The following ITGB3BP variants were observed in gnomAD, a reference collection of about 807,000 sequenced individuals.
The protein encoded by ITGB3BP is centromere protein R.
ITGB3BP carries 27 observed loss-of-function variants against 29.1 expected under a neutral mutation model. The ratio of observed to expected loss-of-function variants is 0.93; its 90% CI spans 0.68 to 1.28. The LOEUF is 1.28. ITGB3BP is among the 50% of genes most tolerant of loss of function. ITGB3BP has a pLI of 0.00. For missense variants in ITGB3BP, 192 were observed against 200.2 expected (o/e 0.96, Z 0.25); for synonymous variants, 61 against 61.4 (o/e 0.99, Z 0.03).
intron 2 of ITGB3BP, among the ~76,000 whole-genome samples, chr1:63,497,091 G>T (rs979482910): frequency 6.6e-6 from 1 of 152,134 alleles, no homozygotes; most frequent in Non-Finnish European, 1.5e-5. Flanking sequence ...TAAATGAAAT[G>T]CCTGTACCCA....
chr1:63,511,115 G>T (rs1365564294), intron 1 of ITGB3BP, among the ~76,000 whole-genome samples: 2 of 152,014 alleles, frequency 1.3e-5, no homozygotes, highest in Non-Finnish European at 2.9e-5. Context: ...TTGGACAAAG[G>T]ACTTGAATAT....
intron 2 of ITGB3BP, among the ~76,000 whole-genome samples, chr1:63,504,444 A>G (rs1429045082): frequency 6.6e-6 from 1 of 151,952 alleles, no homozygotes. Flanking sequence ...ATATACAATC[A>G]TGTCATCTGC....
intron 3 of ITGB3BP, among the ~76,000 whole-genome samples, chr1:63,479,442 A>AT (rs1413998942): frequency 2.0e-5 from 3 of 152,224 alleles, no homozygotes; most frequent in East Asian, 1.9e-4. Context: ...CATGCTTATC[A>AT]TTTTTTATGG....
At chr1:63,517,004 C>T (rs910044838) in intron 1 of ITGB3BP, among the ~76,000 whole-genome samples, 5 of 151,316 alleles carry the variant, frequency 3.3e-5, no homozygotes, top group African/African-American at 1.2e-4. Context: ...AAAATAAAAA[C>T]AAATAAGTTA....
chr1:63,454,743 G>T lies in ITGB3BP; in HGVS notation c.333+147C>A. 3 of 469,008 alleles carry T rather than the reference G, an allele frequency of 6.4e-6. No individual in the cohort carries two copies. The highest frequency in any genetic ancestry group is 1.1e-5 in the Non-Finnish European group (3 of 262,550). The allele number at this position is 469,008 out of a possible 1,614,324, so 29.1% of individuals were successfully genotyped here. The stretch of plus-strand genomic sequence containing the variant: ...ATTACTAAAATATTATGGTTAAATA[G>T]TGTTCTCCTATTAAAAAAAAAATTC... On this transcript the variant is annotated intron_variant, in intron 5 of 8. Coordinates refer to ENST00000271002, the MANE Select transcript of ITGB3BP (RefSeq NM_014288.5). The surrounding 1 kb of genome is among the most constrained non-coding windows in gnomAD (Gnocchi z 4.1).
chr1:63,519,382 G>C (rs183777366), intron 1 of ITGB3BP, among the ~76,000 whole-genome samples: 29 of 152,148 alleles, frequency 1.9e-4, no homozygotes, highest in African/African-American at 6.3e-4. Context: ...ACTTAAAGTA[G>C]TTTCTACTGA....
chr1:63,509,543 T>C (rs1053192454), intron 1 of ITGB3BP, among the ~76,000 whole-genome samples: 4 of 152,140 alleles, frequency 2.6e-5, no homozygotes, highest in East Asian at 1.9e-4. Context: ...TAAGTAACTA[T>C]TGATTTACAA....
Position 63,454,458 on chromosome 1 carries a change from T to TA in ITGB3BP, c.348dup (p.Arg117Ter). 1 of 1,591,452 alleles carries TA rather than the reference T, an allele frequency of 6.3e-7. No individual in the cohort carries two copies. The highest frequency in any genetic ancestry group is 8.6e-7 in the Non-Finnish European group (1 of 1,163,632). ...ATTCCAATGAGATTTTCAAGCTCTC[T>TA]ACTGCCCTCCAAAGCCTACAAGAAA... On this transcript the variant is annotated frameshift_variant, in exon 6 of 9. Transcript: ENST00000271002. LOFTEE classifies it high-confidence loss of function. The surrounding 1 kb of genome is among the most constrained non-coding windows in gnomAD (Gnocchi z 4.1).
chr1:63,518,143 A>G (rs561467635), intron 1 of ITGB3BP, among the ~76,000 whole-genome samples: 108 of 152,254 alleles, frequency 7.1e-4, no homozygotes, highest in African/African-American at 2.5e-3. Context: ...TACTAAATAT[A>G]TTATCTATAG....
intron 7 of ITGB3BP, chr1:63,447,441 C>G (rs1353177026): frequency 3.8e-5 from 15 of 390,628 alleles, no homozygotes; most frequent in Non-Finnish European, 1.0e-5. Flanking sequence ...TTTTGTTTGT[C>G]TGCCAAAGAG....
chr1:63,507,184 G>A (rs143612089), intron 2 of ITGB3BP, among the ~76,000 whole-genome samples: 1 of 152,258 alleles, frequency 6.6e-6, no homozygotes, highest in Non-Finnish European at 1.5e-5. Context: ...AACCTCCTTC[G>A]GGCAGATGTG....
rs67811044 is a variant in ITGB3BP at position 63,445,289 on chromosome 1, A to AAACG, written c.*1+1516_*1+1517insCGTT. 1.8e-4 allele frequency among the ~76,000 whole-genome samples: 5 copies of AAACG among 27,278 alleles called. No homozygotes were observed. The East Asian group carries it at 8.7e-3, about 47-fold the overall frequency. 17.9% of individuals were successfully genotyped at this position (27,278 alleles called of 152,430 possible). ...TGACAGAGCAAGACTCCATTTCAAAAAACAAACAAAACAACAGAAAGTACT... is the reference window on the plus strand; with the variant it reads ...TGACAGAGCAAGACTCCATTTCAAAAAACGAACAAACAAAACAACAGAAAGTACT... On this transcript the variant is annotated intron_variant, in intron 8 of 8. Transcript: ENST00000271002.
At chr1:63,505,145 CTT>C (rs142967331) in intron 2 of ITGB3BP, among the ~76,000 whole-genome samples, 7,875 of 152,100 alleles carry the variant, frequency 0.052, 348 homozygotes, top group East Asian at 0.15. Context: ...TGGTCCTGGA[CTT>C]TTTTTGGTTG....
intron 1 of ITGB3BP, among the ~76,000 whole-genome samples, chr1:63,518,027 T>A (rs1406460472): frequency 2.0e-5 from 3 of 152,184 alleles, no homozygotes; most frequent in Admixed American, 2.0e-4. Flanking sequence ...CTGGCCCCAC[T>A]TTTTCCTTTT....
chr1:63,467,394 G>A (rs1645115995), intron 4 of ITGB3BP, among the ~76,000 whole-genome samples: 2 of 150,576 alleles, frequency 1.3e-5, no homozygotes, highest in Non-Finnish European at 3.0e-5. Flanking sequence ...CTGTCACCCA[G>A]GCTAGAGTGC....
chr1:63,461,275 A>G lies in ITGB3BP; in HGVS notation c.255-6307T>C, dbSNP rs1258736873. On this transcript the variant is annotated intron_variant, in intron 4 of 8. Coordinates refer to ENST00000271002, the MANE Select transcript of ITGB3BP (RefSeq NM_014288.5). ...TCTCAAAAAAAAAAAAAAAAAAAAA[A>G]AAAATCTACTCAAGTCTTTGCCTAT... Among the ~76,000 whole-genome samples the G allele has an allele frequency of 2.6e-5, 4 of 151,040 alleles. No homozygotes were observed. The East Asian group carries it at 5.8e-4, about 22-fold the overall frequency.
Position 63,490,126 on chromosome 1 carries a change from G to GCTCA in ITGB3BP, c.140_141insTGAG (p.Thr48GlufsTer5). 6.2e-7 allele frequency: 1 copy of GCTCA among 1,610,788 alleles called. No homozygotes were observed. Among genetic ancestry groups the GCTCA allele is most frequent in the Non-Finnish European group, 8.5e-7 (1 of 1,177,658 alleles). ...TGTGCTTTTGCTCTTCAGAACTTGT[G>GCTCA]GGAGAAGCAAATAGACTCATTTGAC... is the stretch of plus-strand genomic sequence containing the variant. On this transcript the variant is annotated frameshift_variant, in exon 3 of 9. Transcript: ENST00000271002. LOFTEE classifies it high-confidence loss of function.
chr1:63,467,403 G>A (rs897312509), intron 4 of ITGB3BP, among the ~76,000 whole-genome samples: 1 of 150,900 alleles, frequency 6.6e-6, no homozygotes, highest in Non-Finnish European at 1.5e-5. Flanking sequence ...AGGCTAGAGT[G>A]CATTGGCATG....
intron 4 of ITGB3BP, among the ~76,000 whole-genome samples, chr1:63,473,360 C>T: frequency 6.6e-6 from 1 of 150,844 alleles, no homozygotes; most frequent in Non-Finnish European, 1.5e-5. Context: ...GGGTCAGCCC[C>T]CCGCCCGGCC....
Sources: gnomAD v4.1 joint callset for allele counts (sites outside exome capture counted in the v4.1 genomes callset) on GRCh38, gnomAD v4.1.1 for gene constraint, Gnocchi (gnomAD v3.1) non-coding constraint, MANE v1.5 for transcripts, NCBI Gene and HGNC (gene_info 2026-07-23, HGNC 2026-07-21) for gene names.